The following SNAI3 variants were observed in gnomAD, a reference collection of about 807,000 sequenced individuals.
The protein encoded by SNAI3 is snail family transcriptional repressor 3.
Under a neutral mutation model 16.4 loss-of-function variants are expected in SNAI3, and 21 were observed. The ratio of observed to expected loss-of-function variants is 1.28; its 90% CI spans 0.91 to 1.85. The LOEUF (loss-of-function observed/expected upper bound fraction) is 1.85, where lower values mean the gene tolerates loss of function less well. SNAI3 is among the 40% of genes most tolerant of loss of function. The probability of loss-of-function intolerance (pLI) is 0.00; values close to 1 mark genes in which losing one functional copy is unlikely to be tolerated. For missense variants in SNAI3, 457 were observed against 372.8 expected, an observed-to-expected ratio of 1.23 and a Z score of -1.86; for synonymous variants, 202 against 166.6, an observed-to-expected ratio of 1.21 and a Z score of -1.64.
At position 88,678,682 on chromosome 16, in the gene SNAI3, A is replaced by AC. The variant is rs1909060825; in HGVS notation, c.698-54_698-53insG. 26 of 1,530,532 alleles carry AC rather than the reference A, an allele frequency of 1.7e-5. 1 individual carries two copies. In the Admixed American group the frequency reaches 4.8e-4, roughly 28 times the overall value. 94.8% of individuals were successfully genotyped at this position (1,530,532 alleles called of 1,614,324 possible). ...CACCATGGAAGATGGAGTGAAGGCT[A>AC]AAGCACCCACCCTGCCCATCAATGG... On this transcript the variant is annotated intron_variant, in intron 2 of 2. Coordinates refer to ENST00000332281, the MANE Select transcript of SNAI3 (RefSeq NM_178310.4).
chr16:88,684,798 CTG>C (rs1437123957), intron 1 of SNAI3, among the ~76,000 whole-genome samples: 1 of 152,220 alleles, frequency 6.6e-6, no homozygotes, highest in African/African-American at 2.4e-5. Flanking sequence ...GCTGAAGAGA[CTG>C]TTTAAGTACC....
intron 2 of SNAI3, among the ~76,000 whole-genome samples, chr16:88,680,669 GCT>G (rs1429431481): frequency 3.9e-5 from 6 of 152,122 alleles, no homozygotes; most frequent in Admixed American, 2.0e-4. Flanking sequence ...CATGACCACA[GCT>G]CACTGCAGCC....
rs753568969 is a variant in SNAI3 at position 88,681,610 on chromosome 16, G to C, written c.181C>G (p.Arg61Gly). ...GAGATGCAGGCGACGGCCGAGGAGC[G>C]GTCCCAGGGCTGGGGAAGGTCACCG... is the stretch of plus-strand genomic sequence containing the variant. ...VPGDLPQPWD[R>G]SSAVACISLP... Residue 61 changes from arginine (R) to glycine (G), a missense_variant, in exon 2 of 3, where the codon CGC (arginine) becomes GGC (glycine). Transcript: ENST00000332281. The surrounding 1 kb of genome is among the most constrained non-coding windows in gnomAD (Gnocchi z 5.4). The C allele has an allele frequency of 6.7e-7, 1 of 1,498,448 alleles. No homozygotes were observed. Among genetic ancestry groups the C allele is most frequent in the Non-Finnish European group, 8.9e-7 (1 of 1,122,224 alleles). 92.8% of individuals were successfully genotyped at this position (1,498,448 alleles called of 1,614,324 possible).
intron 1 of SNAI3, among the ~76,000 whole-genome samples, chr16:88,682,856 C>G (rs935316187): frequency 7.1e-6 from 1 of 140,670 alleles, no homozygotes; most frequent in Non-Finnish European, 1.5e-5. Flanking sequence ...TTCACTGTAA[C>G]CTCCACCTCC....
At position 88,681,782 on chromosome 16, in the gene SNAI3, T is replaced by C; in HGVS notation, c.77-68A>G. ...TCCCCAGCACTTTGTGTTTTCCAAC[T>C]CTGATTCGTGGACCCAGTCACAGCC... On this transcript the variant is annotated intron_variant, in intron 1 of 2. Transcript: ENST00000332281. The surrounding 1 kb of genome is among the most constrained non-coding windows in gnomAD (Gnocchi z 5.4). 1 of 1,336,974 alleles carries C rather than the reference T, an allele frequency of 7.5e-7. No individual in the cohort carries two copies. The highest frequency in any genetic ancestry group is 9.6e-7 in the Non-Finnish European group (1 of 1,041,656). The allele number at this position is 1,336,974 out of a possible 1,614,324, so 82.8% of individuals were successfully genotyped here.
chr16:88,683,471 G>C (rs905442649), intron 1 of SNAI3, among the ~76,000 whole-genome samples: 17 of 151,394 alleles, frequency 1.1e-4, no homozygotes, highest in African/African-American at 4.1e-4. Context: ...GGCCAGGCTG[G>C]TCTCGAACTC....
At chr16:88,686,254 C>T in intron 1 of SNAI3, 77 bp downstream of exon 1, 3 of 1,523,892 alleles carry the variant, frequency 2.0e-6, no homozygotes, top group Non-Finnish European at 2.7e-6. Context: ...CCAGCCCCCG[C>T]TCCCAGGGGC....
Position 88,678,535 on chromosome 16 carries a change from C to T in SNAI3, c.792G>A (p.Lys264=), listed in dbSNP as rs1285894779. 3 of 799,502 alleles carry T rather than the reference C, an allele frequency of 3.8e-6. No homozygotes were observed. Among genetic ancestry groups the T allele is most frequent in the East Asian group, 2.4e-5 (1 of 41,338 alleles). 49.5% of individuals were successfully genotyped at this position (799,502 alleles called of 1,614,324 possible). A position where few individuals can be genotyped will look rare whatever the true frequency, so the allele number is the denominator to read the frequency against. Residue 264 remains lysine, a synonymous_variant, in exon 3 of 3, where the codon AAG becomes AAA. Coordinates refer to ENST00000332281, the MANE Select transcript of SNAI3 (RefSeq NM_178310.4). ...TCTTGGTGCAGCGCCGGCACCGGTACTTCTTGGCGTCTGAGTGCGTTTGCA... is the reference window on the plus strand; with the variant it reads ...TCTTGGTGCAGCGCCGGCACCGGTATTTCTTGGCGTCTGAGTGCGTTTGCA... ...AHLQTHSDAK[K]YRCRRCTKTF...
At position 88,678,413 on chromosome 16, in the gene SNAI3, G is replaced by A; in HGVS notation, c.*35C>T. ...GAGGGACGCCAGCTCTCCCGGTGAGGACCATCCCTCCTACCTGCGCCGACC... is the reference window on the plus strand; with the variant it reads ...GAGGGACGCCAGCTCTCCCGGTGAGAACCATCCCTCCTACCTGCGCCGACC... On this transcript the variant is annotated 3_prime_UTR_variant, in exon 3 of 3. Transcript: ENST00000332281. 1.4e-6 allele frequency: 1 copy of A among 732,826 alleles called. No individual in the cohort carries two copies. The highest frequency in any genetic ancestry group is 2.5e-6 in the Non-Finnish European group (1 of 399,714). The allele number at this position is 732,826 out of a possible 1,614,324, so 45.4% of individuals were successfully genotyped here. A position where few individuals can be genotyped will look rare whatever the true frequency, so the allele number is the denominator to read the frequency against.
At chr16:88,686,069 G>A in intron 1 of SNAI3, 1 of 499,670 alleles carries the variant, frequency 2.0e-6, no homozygotes, top group South Asian at 2.6e-5. Context: ...GAGACTTGGG[G>A]GCTTAGAAAA....
At chr16:88,683,259 A>AT (rs1227173531) in intron 1 of SNAI3, among the ~76,000 whole-genome samples, 14 of 144,434 alleles carry the variant, frequency 9.7e-5, no homozygotes, top group Middle Eastern at 7.2e-3. Flanking sequence ...TGCCTGGCTA[A>AT]TTTTTTTTTT....
chr16:88,681,676 C>T lies in SNAI3; in HGVS notation c.115G>A (p.Val39Met), dbSNP rs946856841. The T allele has an allele frequency of 6.1e-6, 9 of 1,475,254 alleles. No homozygotes were observed. Among genetic ancestry groups the T allele is most frequent in the African/African-American group, 1.4e-5 (1 of 70,960 alleles). The allele number at this position is 1,475,254 out of a possible 1,614,324, so 91.4% of individuals were successfully genotyped here. Residue 39 changes from valine to methionine, a missense_variant, in exon 2 of 3, where the codon GTG (valine) becomes ATG (methionine). Transcript: ENST00000332281. The surrounding 1 kb of genome is among the most constrained non-coding windows in gnomAD (Gnocchi z 5.4). ...GACSACGGLVVPLLPRDKEAP... is the reference protein window; with the variant it reads ...GACSACGGLVMPLLPRDKEAP... ...TCCTTGTCTCGGGGGAGGAGGGGCA[C>T]CACCAGCCCCCCACAGGCAGAGCAG...
At chr16:88,684,810 C>T (rs929808960) in intron 1 of SNAI3, among the ~76,000 whole-genome samples, 1 of 152,220 alleles carries the variant, frequency 6.6e-6, no homozygotes, top group East Asian at 1.9e-4. Flanking sequence ...GTTTAAGTAC[C>T]TTGCTGGCTT....
chr16:88,686,271 C>G, intron 1 of SNAI3, 60 bp downstream of exon 1: 2 of 1,578,316 alleles, frequency 1.3e-6, no homozygotes, highest in Non-Finnish European at 1.7e-6. Context: ...GGGCCTCTCT[C>G]TCTCTCCCGC....
chr16:88,678,597 T>C lies in SNAI3; in HGVS notation c.730A>G (p.Arg244Gly). The C allele has an allele frequency of 9.2e-7, 1 of 1,087,546 alleles. No homozygotes were observed. The highest frequency in any genetic ancestry group is 1.4e-6 in the Non-Finnish European group (1 of 702,052). The allele number at this position is 1,087,546 out of a possible 1,614,324, so 67.4% of individuals were successfully genotyped here. Residue 244 changes from arginine (R) to glycine (G), a missense_variant, in exon 3 of 3, where the codon AGG becomes GGG. By Grantham distance (125) the Arg-to-Gly change is moderately radical. Transcript: ENST00000332281. ...AGGTTGGAGCGGTCGGCAAAGGCCC[T>C]GCTGCAGTGCGAGCAGGCATAGGGC... ...EKPYACSHCS[R>G]AFADRSNLRA... is the part of the protein sequence containing the mutation.
Position 88,686,490 on chromosome 16 carries a change from G to T in SNAI3, c.-84C>A. 1 of 1,555,002 alleles carries T rather than the reference G, an allele frequency of 6.4e-7. No individual in the cohort carries two copies. Among genetic ancestry groups the T allele is most frequent in the South Asian group, 1.2e-5 (1 of 86,320 alleles). On this transcript the variant is annotated 5_prime_UTR_variant, in exon 1 of 3. The change creates a premature stop within an existing upstream ORF in the 5' untranslated region. Transcript: ENST00000332281. ...CGGACTGCTGCGTCCGCCGGCGCTT[G>T]AAGGGGTCAGGCTCATTAGCATAGC...
intron 2 of SNAI3, among the ~76,000 whole-genome samples, chr16:88,680,237 G>A (rs1293030716): frequency 6.6e-6 from 1 of 151,096 alleles, no homozygotes; most frequent in Non-Finnish European, 1.5e-5. Context: ...CTTGGGAAGG[G>A]CAGGCCACTT....
In SNAI3 at chr16:88,686,482, C is replaced by T. The variant is rs1388727639; in HGVS notation, c.-76G>A. ...CCTGGGTCCGGACTGCTGCGTCCGC[C>T]GGCGCTTGAAGGGGTCAGGCTCATT... is the stretch of plus-strand genomic sequence containing the variant. On this transcript the variant is annotated 5_prime_UTR_variant, in exon 1 of 3. Transcript: ENST00000332281. 8.3e-6 allele frequency: 13 copies of T among 1,566,562 alleles called. No homozygotes were observed. Among genetic ancestry groups the T allele is most frequent in the East Asian group, 2.3e-5 (1 of 42,942 alleles).
At chr16:88,679,028 A>G in intron 2 of SNAI3, 1 of 985,456 alleles carries the variant, frequency 1.0e-6, no homozygotes, top group South Asian at 4.7e-5. Flanking sequence ...ACCACCTCCC[A>G]TCAGGACAAC....
Sources: allele counts gnomAD v4.1 joint callset (sites outside exome capture counted in the v4.1 genomes callset), GRCh38; gene constraint gnomAD v4.1.1; non-coding constraint Gnocchi (gnomAD v3.1); transcripts MANE v1.5; gene names NCBI Gene and HGNC (gene_info 2026-07-23, HGNC 2026-07-21).